The following IPO5 variants were observed in gnomAD, a reference collection of about 807,000 sequenced individuals.
IPO5 encodes the protein importin-5.
IPO5 carries 18 observed loss-of-function variants against 143.3 expected under a neutral mutation model. That is an observed-to-expected ratio of 0.13 (90% confidence interval 0.09 to 0.19). IPO5 has a LOEUF of 0.19. Ranked by LOEUF, IPO5 falls within the 10% of genes least tolerant of loss-of-function variation. The pLI, the probability that IPO5 is intolerant of heterozygous loss-of-function variation, is 1.00. For synonymous variants in IPO5, 477 were observed against 465.7 expected (o/e 1.02, Z -0.31); for missense variants, 1,013 against 1,336.9 (o/e 0.76, Z 3.78).
At chr13:98,016,259 C>T (rs1890116509) in intron 24 of IPO5, among the ~76,000 whole-genome samples, 1 of 152,130 alleles carries the variant, frequency 6.6e-6, no homozygotes, top group Non-Finnish European at 1.5e-5. Context: ...ACTTGGTGGG[C>T]CAGTGCTACC....
At chr13:97,996,458 A>G (rs1168610263) in intron 11 of IPO5, among the ~76,000 whole-genome samples, 1 of 152,186 alleles carries the variant, frequency 6.6e-6, no homozygotes, top group Admixed American at 6.6e-5. Context: ...TGACAGTATC[A>G]ATTGTTAATA....
At chr13:97,998,631 G>GA (rs1224330746) in intron 12 of IPO5, among the ~76,000 whole-genome samples, 2 of 152,176 alleles carry the variant, frequency 1.3e-5, no homozygotes, top group Non-Finnish European at 2.9e-5. Context: ...CAGTAGTAAT[G>GA]ATGGCCCCTT....
intron 13 of IPO5, 46 bp from the exon 14 acceptor site, chr13:98,002,421 G>A (rs61970445): frequency 0.1 from 163,312 of 1,589,462 alleles, 9,829 homozygotes; most frequent in Non-Finnish European, 0.12. Flanking sequence ...AGAATGACAT[G>A]TTTATAGTGT....
intron 27 of IPO5, 74 bp downstream of exon 27, chr13:98,019,883 C>CTT: frequency 1.0e-6 from 1 of 962,982 alleles, no homozygotes; most frequent in Admixed American, 1.8e-5. Flanking sequence ...TAACATCAGT[C>CTT]TTTTAAGGTT....
rs911693710 is a variant in IPO5 at position 97,992,243 on chromosome 13, T to C, written c.670-649T>C. ...TAAGTTAAAATGTTTACCACAACTT[T>C]TAAGAGTTGTTATTCTGAAATAGAT... On this transcript the variant is annotated intron_variant, in intron 9 of 28. Coordinates refer to ENST00000651721, the MANE Select transcript of IPO5 (RefSeq NM_002271.6). 2.6e-5 allele frequency among the ~76,000 whole-genome samples: 4 copies of C among 152,352 alleles called. No homozygotes were observed. The South Asian group carries it at 8.3e-4, about 32-fold the overall frequency.
At position 97,997,633 on chromosome 13, in the gene IPO5, T is replaced by G; in HGVS notation, c.1001+15T>G. On this transcript the variant is annotated intron_variant, in intron 12 of 28. Coordinates refer to ENST00000651721, the MANE Select transcript of IPO5 (RefSeq NM_002271.6). ...GATTTTGACAGGTAATCAAACATTGTGTCCAGGGTGGCAGTGAAAGCCCTA... is the reference window on the plus strand; with the variant it reads ...GATTTTGACAGGTAATCAAACATTGGGTCCAGGGTGGCAGTGAAAGCCCTA... The G allele has an allele frequency of 6.4e-7, 1 of 1,553,592 alleles. No individual in the cohort carries two copies. The highest frequency in any genetic ancestry group is 8.9e-7 in the Non-Finnish European group (1 of 1,126,100).
At chr13:97,967,630 CTGTTTGTT>C (rs200549073) in intron 2 of IPO5, among the ~76,000 whole-genome samples, 11 of 151,796 alleles carry the variant, frequency 7.2e-5, no homozygotes, top group East Asian at 5.8e-4. Flanking sequence ...AAAGTATTTT[CTGTTTGTT>C]TGTTTGTTTG....
intron 5 of IPO5, among the ~76,000 whole-genome samples, chr13:97,983,279 AT>A (rs145675163): frequency 0.02 from 3,010 of 152,188 alleles, 103 homozygotes; most frequent in African/African-American, 0.069. Flanking sequence ...TTGAAAAAAT[AT>A]TTTTTTCCCA....
In IPO5 at chr13:97,983,541, C is replaced by G. The variant is rs1203188748; in HGVS notation, c.171+958C>G. 3.8e-5 allele frequency among the ~76,000 whole-genome samples: 4 copies of G among 104,400 alleles called. No homozygotes were observed. In the East Asian group the frequency reaches 4.6e-3, roughly 119 times the overall value. The allele number at this position is 104,400 out of a possible 152,430, so 68.5% of individuals were successfully genotyped here. ...AGGCATTTTGTAGCTAATTCCACCC[C>G]CCCCCCCCACCGTCCCCCCGATTAT... is the stretch of plus-strand genomic sequence containing the variant. On this transcript the variant is annotated intron_variant, in intron 5 of 28. Coordinates refer to ENST00000651721, the MANE Select transcript of IPO5 (RefSeq NM_002271.6).
In IPO5 at chr13:98,015,538, A is replaced by G; in HGVS notation, c.2334A>G (p.Glu778=). Residue 778 remains glutamate (E), a synonymous_variant, in exon 23 of 29, where the codon GAA becomes GAG. Coordinates refer to ENST00000651721, the MANE Select transcript of IPO5 (RefSeq NM_002271.6). ...TTCCTCAACCTCATTAGTGCATTGA[A>G]GTAATGGGAGATGGATGCCTTAATA... ...EIMHSFAKCI[E]VMGDGCLNNE... is the part of the protein sequence containing the mutation. 1 of 1,593,840 alleles carries G rather than the reference A, an allele frequency of 6.3e-7. No individual in the cohort carries two copies. The highest frequency in any genetic ancestry group is 8.6e-7 in the Non-Finnish European group (1 of 1,162,952).
Position 97,967,320 on chromosome 13 carries a change from T to G in IPO5, c.-112-2403T>G, listed in dbSNP as rs556359138. 6.7e-4 allele frequency among the ~76,000 whole-genome samples: 102 copies of G among 152,326 alleles called. 1 individual carries two copies. Among genetic ancestry groups the G allele is most frequent in the African/African-American group, 2.4e-3 (99 of 41,586 alleles). On this transcript the variant is annotated intron_variant, in intron 2 of 28. Transcript: ENST00000651721. ...AGTACAGCCAAAAGTTTGTGAATTT[T>G]GTTGATCTTCTCAAAGAAACAATTT...
chr13:98,003,394 TGGTAGCATTG>T (rs1888959383), intron 16 of IPO5, among the ~76,000 whole-genome samples: 1 of 152,124 alleles, frequency 6.6e-6, no homozygotes, highest in Non-Finnish European at 1.5e-5. Context: ...AAAATTAGTG[TGGTAGCATTG>T]GGTGAGGCAT....
chr13:97,977,335 T>C (rs970881844), intron 4 of IPO5, among the ~76,000 whole-genome samples: 6 of 152,168 alleles, frequency 3.9e-5, no homozygotes, highest in African/African-American at 1.2e-4. Flanking sequence ...TTTAGTTCTT[T>C]CTCATTCTAG....
chr13:97,984,619 G>A (rs910038914), intron 5 of IPO5, among the ~76,000 whole-genome samples: 14 of 151,606 alleles, frequency 9.2e-5, no homozygotes, highest in East Asian at 1.9e-4. Context: ...AAGATTTCTC[G>A]GTGAAAAGTA....
rs763735946 is a variant in IPO5 at position 98,008,148 on chromosome 13, T to A, written c.1800+6T>A. Reference sequence around the variant, plus strand: ...TGGAAGATGATGATCCTCAGGTAAGTGGTCTTAATGCATTTGCTTTGATCC... The same window carrying A: ...TGGAAGATGATGATCCTCAGGTAAGAGGTCTTAATGCATTTGCTTTGATCC... On this transcript the variant is annotated splice_donor_region_variant and intron_variant, in intron 18 of 28. Coordinates refer to ENST00000651721, the MANE Select transcript of IPO5 (RefSeq NM_002271.6). The A allele has an allele frequency of 6.4e-6, 10 of 1,561,800 alleles. No homozygotes were observed. Among genetic ancestry groups the A allele is most frequent in the Non-Finnish European group, 8.8e-6 (10 of 1,132,472 alleles).
intron 17 of IPO5, 28 bp from the exon 18 acceptor site, chr13:98,008,031 A>G: frequency 1.4e-6 from 2 of 1,458,396 alleles, no homozygotes; most frequent in Non-Finnish European, 1.9e-6. Context: ...CGGTATCAAC[A>G]AGTGTGTCTC....
At chr13:97,967,197 C>T (rs1363559853) in intron 2 of IPO5, among the ~76,000 whole-genome samples, 1 of 152,104 alleles carries the variant, frequency 6.6e-6, no homozygotes. Context: ...CAATTGGGTA[C>T]AGTATTCTAA....
intron 4 of IPO5, among the ~76,000 whole-genome samples, chr13:97,980,555 C>T (rs949925340): frequency 1.3e-5 from 2 of 152,064 alleles, no homozygotes; most frequent in African/African-American, 2.4e-5. Context: ...TATGGCTGGG[C>T]GCGGTGGCTC....
chr13:97,989,055 C>T lies in IPO5; in HGVS notation c.365-7C>T, dbSNP rs1158748732. 1 of 1,564,438 alleles carries T rather than the reference C, an allele frequency of 6.4e-7. No individual in the cohort carries two copies. The highest frequency in any genetic ancestry group is 1.7e-5 in the Admixed American group (1 of 59,538). On this transcript the variant is annotated splice_region_variant and splice_polypyrimidine_tract_variant and intron_variant, in intron 6 of 28. Transcript: ENST00000651721. ...ACAACTTTATGTCTGGATTTCTTTA[C>T]TTTCAGATGAGGATGGCAATAACCA... is the stretch of plus-strand genomic sequence containing the variant.
Sources: gnomAD v4.1 joint callset for allele counts (sites outside exome capture counted in the v4.1 genomes callset) on GRCh38, gnomAD v4.1.1 for gene constraint, MANE v1.5 for transcripts, NCBI Gene and HGNC (gene_info 2026-07-23, HGNC 2026-07-21) for gene names.